Variants in BMPER observed in about 807,000 individuals in gnomAD.
BMPER encodes the protein BMP binding endothelial regulator.
Under a neutral mutation model 87.3 loss-of-function variants are expected in BMPER, and 45 were observed. That is an observed-to-expected ratio of 0.52 (90% CI 0.41 to 0.66). The LOEUF is 0.66. Ranked by LOEUF, BMPER falls within the 30% of genes least tolerant of loss-of-function variation. The probability of loss-of-function intolerance (pLI) is 0.00; values close to 1 mark genes in which losing one functional copy is unlikely to be tolerated. For missense variants in BMPER, 784 were observed against 867.5 expected (o/e 0.90, Z 1.21); for synonymous variants, 326 against 316.2 (o/e 1.03, Z -0.33).
intron 3 of BMPER, among the ~76,000 whole-genome samples, chr7:33,954,430 C>T (rs1055104897): frequency 7.2e-5 from 11 of 152,112 alleles, no homozygotes; most frequent in Non-Finnish European, 1.2e-4. Context: ...GTTATCTTCC[C>T]GGCACTGTTT....
chr7:34,108,293 G>A (rs1395288298), intron 13 of BMPER, among the ~76,000 whole-genome samples: 2 of 152,172 alleles, frequency 1.3e-5, no homozygotes, highest in Non-Finnish European at 2.9e-5. Context: ...AAATGAACCT[G>A]GCTCTGTAGA....
At chr7:34,048,259 C>T (rs906950700) in intron 7 of BMPER, among the ~76,000 whole-genome samples, 1 of 152,092 alleles carries the variant, frequency 6.6e-6, no homozygotes, top group Non-Finnish European at 1.5e-5. Flanking sequence ...AAACTAGGAG[C>T]TTTCTCCTCT....
chr7:34,000,247 T>TG (rs1182159489), intron 6 of BMPER, among the ~76,000 whole-genome samples: 1 of 152,154 alleles, frequency 6.6e-6, no homozygotes. Flanking sequence ...TGTTTTAGTG[T>TG]GGGAGTGCAA....
At chr7:33,967,998 C>T (rs1585687347) in intron 4 of BMPER, among the ~76,000 whole-genome samples, 1 of 152,262 alleles carries the variant, frequency 6.6e-6, no homozygotes, top group East Asian at 1.9e-4. Context: ...GACTGAATAA[C>T]ACATTAAGCC....
chr7:33,964,731 A>G (rs577016981), intron 3 of BMPER, among the ~76,000 whole-genome samples: 1 of 152,302 alleles, frequency 6.6e-6, no homozygotes, highest in East Asian at 1.9e-4. Flanking sequence ...ATTTTGTAGC[A>G]CACTTCCTCC....
chr7:34,143,825 C>T (rs1011709566), intron 14 of BMPER, among the ~76,000 whole-genome samples: 2 of 152,132 alleles, frequency 1.3e-5, no homozygotes, highest in African/African-American at 4.8e-5. Flanking sequence ...GTTGTCGCCT[C>T]AGGCAAGTAA....
At chr7:34,074,945 TG>T (rs2127972024) in intron 11 of BMPER, among the ~76,000 whole-genome samples, 1 of 152,316 alleles carries the variant, frequency 6.6e-6, no homozygotes, top group Admixed American at 6.5e-5. Flanking sequence ...CCCTTCCTTA[TG>T]CTTTTATGTT....
At chr7:34,083,150 T>C (rs1267828732) in intron 12 of BMPER, among the ~76,000 whole-genome samples, 1 of 152,240 alleles carries the variant, frequency 6.6e-6, no homozygotes, top group Non-Finnish European at 1.5e-5. Flanking sequence ...GTAATTCATT[T>C]ATTTACTGAG....
intron 7 of BMPER, among the ~76,000 whole-genome samples, chr7:34,050,612 G>T (rs1788124534): frequency 6.6e-6 from 1 of 152,114 alleles, no homozygotes; most frequent in African/African-American, 2.4e-5. Flanking sequence ...AACAGAAATT[G>T]CTATTAATCT....
At chr7:33,914,305 C>G (rs557262735) in intron 2 of BMPER, among the ~76,000 whole-genome samples, 2 of 152,276 alleles carry the variant, frequency 1.3e-5, no homozygotes, top group South Asian at 4.1e-4. Flanking sequence ...TTGGGTGGCT[C>G]ACCTTTAAAA....
At chr7:34,149,282 A>G (rs924732426) in intron 14 of BMPER, among the ~76,000 whole-genome samples, 1 of 152,058 alleles carries the variant, frequency 6.6e-6, no homozygotes, top group African/African-American at 2.4e-5. Flanking sequence ...ATATCAAGAG[A>G]CTCTTATGAA....
At chr7:34,111,791 G>A (rs775928989) in intron 13 of BMPER, among the ~76,000 whole-genome samples, 7 of 152,094 alleles carry the variant, frequency 4.6e-5, no homozygotes, top group Non-Finnish European at 8.8e-5. Context: ...TCGGCTCACT[G>A]CAACCTCTGC....
At chr7:33,945,626 A>G (rs1336923661) in intron 3 of BMPER, among the ~76,000 whole-genome samples, 2 of 152,072 alleles carry the variant, frequency 1.3e-5, no homozygotes, top group African/African-American at 4.8e-5. Context: ...CTGTCTGTCC[A>G]TGTAGTATTG....
rs147475693 is a variant in BMPER, at chr7:34,156,129, C to T, written c.*2856C>T. Among the ~76,000 whole-genome samples the T allele has an allele frequency of 1.8e-4, 28 of 152,318 alleles. No individual in the cohort carries two copies. The East Asian group carries it at 4.2e-3, about 23-fold the overall frequency. On this transcript the variant is annotated 3_prime_UTR_variant, in exon 15 of 15. Coordinates refer to ENST00000649409, the MANE Select transcript of BMPER (RefSeq NM_001365308.1). ...GTTGAAGGCCTCACTCATCTTAACT[C>T]GTTGACTGCTTCCTGACCATCAGAC...
Position 33,995,696 on chromosome 7 carries a change from T to C in BMPER, c.576+20912T>C, listed in dbSNP as rs144216034. On this transcript the variant is annotated intron_variant, in intron 6 of 14. Coordinates refer to ENST00000649409, the MANE Select transcript of BMPER (RefSeq NM_001365308.1). ...GTTGGTTCCATGAGGCCTGTGCAGA[T>C]GTTAAGGTGTTGCTTCCTTCTCTGT... Among the ~76,000 whole-genome samples, 272 of 152,304 alleles carry C rather than the reference T, an allele frequency of 1.8e-3. 2 individuals are homozygous for C. Among genetic ancestry groups the C allele is most frequent in the African/African-American group, 6.1e-3 (254 of 41,568 alleles).
chr7:34,004,212 T>C (rs1432854807), intron 6 of BMPER, among the ~76,000 whole-genome samples: 1 of 152,164 alleles, frequency 6.6e-6, no homozygotes, highest in Non-Finnish European at 1.5e-5. Flanking sequence ...ATTACAGTTA[T>C]TGTATTTCTC....
chr7:34,105,554 C>A (rs1789796160), intron 13 of BMPER, among the ~76,000 whole-genome samples: 1 of 152,210 alleles, frequency 6.6e-6, no homozygotes, highest in Non-Finnish European at 1.5e-5. Context: ...ATCGTCAACT[C>A]ACAAGTCTTG....
chr7:34,040,114 T>C (rs1420661654), intron 6 of BMPER, among the ~76,000 whole-genome samples: 35 of 152,164 alleles, frequency 2.3e-4, no homozygotes, highest in Admixed American at 2.3e-3. Context: ...TTCAGACTTC[T>C]GAGGAGGGAG....
At chr7:33,957,183 A>T (rs1785166675) in intron 3 of BMPER, among the ~76,000 whole-genome samples, 1 of 151,946 alleles carries the variant, frequency 6.6e-6, no homozygotes, top group South Asian at 2.1e-4. Flanking sequence ...AAGGTAAAAA[A>T]CTGGAAACAA....
Sources: gnomAD v4.1 joint callset for allele counts (sites outside exome capture counted in the v4.1 genomes callset) on GRCh38, gnomAD v4.1.1 for gene constraint, MANE v1.5 for transcripts, NCBI Gene and HGNC (gene_info 2026-07-23, HGNC 2026-07-21) for gene names.